Variants in PCMT1 observed in about 807,000 individuals in gnomAD.
PCMT1 encodes the protein protein-L-isoaspartate(D-aspartate) O-methyltransferase.
In PCMT1, 9 loss-of-function variants were observed where a neutral mutation model predicts 29.2. The ratio of observed to expected loss-of-function variants is 0.31; its 90% CI spans 0.19 to 0.54. The LOEUF (loss-of-function observed/expected upper bound fraction) is 0.54, where lower values mean the gene tolerates loss of function less well. Among genes scored for constraint, PCMT1 ranks in the 20% least tolerant of loss-of-function variants. The probability of loss-of-function intolerance (pLI) is 0.95; values close to 1 mark genes in which losing one functional copy is unlikely to be tolerated. For missense variants in PCMT1, 184 were observed against 282.2 expected (o/e 0.65, Z 2.49); for synonymous variants, 98 against 97.5 (o/e 1.00, Z -0.03).
At chr6:149,772,443 C>T (rs1038686947) in intron 2 of PCMT1, 2 of 328,108 alleles carry the variant, frequency 6.1e-6, no homozygotes, top group Non-Finnish European at 6.0e-6. Flanking sequence ...TAATTTTGCA[C>T]AGACTTTGTA....
At chr6:149,770,550 C>T (rs1361427147) in intron 1 of PCMT1, among the ~76,000 whole-genome samples, 1 of 151,628 alleles carries the variant, frequency 6.6e-6, no homozygotes, top group Admixed American at 6.6e-5. Flanking sequence ...ACTAAAAATA[C>T]AAAAAATTAG....
chr6:149,773,326 T>A (rs957176320), intron 3 of PCMT1, among the ~76,000 whole-genome samples, 157 bp downstream of exon 3: 5 of 152,160 alleles, frequency 3.3e-5, no homozygotes, highest in Non-Finnish European at 4.4e-5. Context: ...AACATCTTAT[T>A]CTTAATACAG....
At chr6:149,758,208 C>CTTTCTTTTTTTTTTTTTTT (rs1554251094) in intron 1 of PCMT1, among the ~76,000 whole-genome samples, 2,075 of 73,440 alleles carry the variant, frequency 0.028, 173 homozygotes, top group East Asian at 0.051. Flanking sequence ...TTCTTTCTTT[C>CTTTCTTTTTTTTTTTTTTT]TTTTTTTTTT....
intron 3 of PCMT1, among the ~76,000 whole-genome samples, chr6:149,782,106 C>T (rs2115281550): frequency 1.3e-5 from 2 of 152,152 alleles, no homozygotes; most frequent in East Asian, 1.9e-4. Flanking sequence ...TTTTCTGAGC[C>T]ATCTATGACT....
chr6:149,788,682 T>G (rs1788222764), intron 3 of PCMT1, among the ~76,000 whole-genome samples: 1 of 152,242 alleles, frequency 6.6e-6, no homozygotes, highest in Non-Finnish European at 1.5e-5. Context: ...TTGACCCAGT[T>G]TTTCCACTGG....
chr6:149,769,308 C>CTGTTTTTTTTTTTTTTTTTT (rs1787214241), intron 1 of PCMT1, among the ~76,000 whole-genome samples: 1 of 71,562 alleles, frequency 1.4e-5, no homozygotes, highest in African/African-American at 8.6e-5. Context: ...GTGCAGGATT[C>CTGTTTTTTTTTTTTTTTTTT]TTTTTTTTTT....
In PCMT1 at chr6:149,810,647, C is replaced by G. The variant is rs963562481; in HGVS notation, c.*69C>G. ...ATTGTAAAAGCAACATCAGCTTGACCAGTATAAAATTACAGTGGATTGCTC... is the reference window on the plus strand; with the variant it reads ...ATTGTAAAAGCAACATCAGCTTGACGAGTATAAAATTACAGTGGATTGCTC... On this transcript the variant is annotated 3_prime_UTR_variant, in exon 8 of 8. Coordinates refer to ENST00000464889, the MANE Select transcript of PCMT1 (RefSeq NM_001360452.2). 9.7e-6 allele frequency: 15 copies of G among 1,543,438 alleles called. No individual in the cohort carries two copies. Among genetic ancestry groups the G allele is most frequent in the Middle Eastern group, 1.7e-4 (1 of 6,010 alleles).
chr6:149,760,128 T>C (rs956381176), intron 1 of PCMT1, among the ~76,000 whole-genome samples: 7 of 152,164 alleles, frequency 4.6e-5, no homozygotes, highest in Non-Finnish European at 8.8e-5. Flanking sequence ...GTGTACTGAT[T>C]TCTGTTATGT....
intron 3 of PCMT1, among the ~76,000 whole-genome samples, chr6:149,785,779 C>T (rs1788013085): frequency 6.6e-6 from 1 of 152,116 alleles, no homozygotes; most frequent in East Asian, 1.9e-4. Context: ...TAGTACAGAA[C>T]AAAATGAAAA....
Position 149,788,477 on chromosome 6 carries a change from A to G in PCMT1, c.193-1477A>G, listed in dbSNP as rs183968083. Among the ~76,000 whole-genome samples the G allele has an allele frequency of 2.3e-3, 349 of 152,292 alleles. 1 individual carries two copies. The highest frequency in any genetic ancestry group is 8.1e-3 in the African/African-American group (335 of 41,570). On this transcript the variant is annotated intron_variant, in intron 3 of 7. Transcript: ENST00000464889. ...TTTTATGACCTTGAAAACCTTGAAA[A>G]TTTTTACGAATATGGGCCATTTATT...
chr6:149,762,274 T>C (rs1562397920), intron 1 of PCMT1, among the ~76,000 whole-genome samples: 1 of 151,742 alleles, frequency 6.6e-6, no homozygotes, highest in Non-Finnish European at 1.5e-5. Context: ...TTTGGATCAG[T>C]TGCATATTTG....
intron 3 of PCMT1, among the ~76,000 whole-genome samples, chr6:149,786,647 C>G (rs1214229979): frequency 3.3e-5 from 5 of 149,672 alleles, no homozygotes; most frequent in East Asian, 2.0e-4. Context: ...GGGTCGCGGC[C>G]GGGCAGAGAC....
At chr6:149,756,554 G>T (rs193159327) in intron 1 of PCMT1, among the ~76,000 whole-genome samples, 1 of 123,468 alleles carries the variant, frequency 8.1e-6, no homozygotes, top group East Asian at 2.3e-4. Flanking sequence ...TGGTAGAGAC[G>T]GGGTTTTGTC....
At position 149,771,235 on chromosome 6, in the gene PCMT1, T is replaced by C; in HGVS notation, c.129T>C (p.Cys43=). 1 of 1,608,662 alleles carries C rather than the reference T, an allele frequency of 6.2e-7. No individual in the cohort carries two copies. The change falls in exon 2 of 8, where the codon TGT becomes TGC. Residue 43 remains cysteine, a synonymous_variant. Coordinates refer to ENST00000464889, the MANE Select transcript of PCMT1 (RefSeq NM_001360452.2). ...CAGACCGCTCCCACTATGCAAAATG[T>C]AACCCATACATGGATTCTCCACAAT... ...LATDRSHYAK[C]NPYMDSPQSI... is the part of the protein sequence containing the mutation.
At chr6:149,790,085 C>A in intron 4 of PCMT1, 27 bp downstream of exon 4, 1 of 1,304,738 alleles carries the variant, frequency 7.7e-7, no homozygotes, top group Non-Finnish European at 1.1e-6. Context: ...TCACTCTGGC[C>A]CCAACAGAAG....
chr6:149,768,781 C>T (rs1439440391), intron 1 of PCMT1, among the ~76,000 whole-genome samples: 1 of 152,020 alleles, frequency 6.6e-6, no homozygotes, highest in East Asian at 1.9e-4. Context: ...CATGTGCCAC[C>T]ACGCCCAGCT....
chr6:149,786,188 C>T lies in PCMT1; in HGVS notation c.193-3766C>T, dbSNP rs1390987359. ...CTGACCCCCCAACCTCCCTCCCAGACGGGGCGGCTGGCCGGGCGGGGGGGC... is the reference window on the plus strand; with the variant it reads ...CTGACCCCCCAACCTCCCTCCCAGATGGGGCGGCTGGCCGGGCGGGGGGGC... On this transcript the variant is annotated intron_variant, in intron 3 of 7. Transcript: ENST00000464889. Among the ~76,000 whole-genome samples, 7 of 120,744 alleles carry T rather than the reference C, an allele frequency of 5.8e-5. 1 individual carries two copies. The highest frequency in any genetic ancestry group is 1.0e-4 in the Non-Finnish European group (6 of 60,198). 79.2% of individuals were successfully genotyped at this position (120,744 alleles called of 152,430 possible).
At chr6:149,800,729 C>T (rs1278757775) in intron 6 of PCMT1, among the ~76,000 whole-genome samples, 3 of 152,116 alleles carry the variant, frequency 2.0e-5, no homozygotes, top group African/African-American at 7.2e-5. Context: ...AATCGTATAA[C>T]TAGGGTTCCC....
At chr6:149,806,751 A>C (rs563782582) in intron 7 of PCMT1, among the ~76,000 whole-genome samples, 84 of 151,796 alleles carry the variant, frequency 5.5e-4, no homozygotes, top group African/African-American at 1.9e-3. Context: ...CACCATACTC[A>C]GCTGATTTTC....
Sources: gnomAD v4.1 joint callset for allele counts (sites outside exome capture counted in the v4.1 genomes callset) on GRCh38, gnomAD v4.1.1 for gene constraint, MANE v1.5 for transcripts, NCBI Gene and HGNC (gene_info 2026-07-23, HGNC 2026-07-21) for gene names.